TNRC6C: variants seen among roughly 807,000 people sequenced by gnomAD.
TNRC6C encodes trinucleotide repeat containing adaptor 6C.
In TNRC6C, 20 loss-of-function variants were observed where a neutral mutation model predicts 153.7. The observed-to-expected ratio is 0.13, with a 90% confidence interval of 0.09 to 0.19. The LOEUF is 0.19. Ranked by LOEUF, TNRC6C falls within the 10% of genes least tolerant of loss-of-function variation. The pLI is 1.00. For synonymous variants in TNRC6C, 811 were observed against 841.4 expected (o/e 0.96, Z 0.63); for missense variants, 1,987 against 2,172.0 (o/e 0.91, Z 1.69).
chr17:78,070,199 G>A (rs2072965277), intron 5 of TNRC6C, among the ~76,000 whole-genome samples: 1 of 152,088 alleles, frequency 6.6e-6, no homozygotes, highest in African/African-American at 2.4e-5. Context: ...AGTTAATGAT[G>A]GGACCAAAAA....
rs548444660 is a variant in TNRC6C at position 78,039,316 on chromosome 17, C to T, written c.-219+7474C>T. ...ACAGCAATTTCAAATCTTGCCCCCCCCCCCCACTCCCTACCTCTTACCAGG... is the reference window on the plus strand; with the variant it reads ...ACAGCAATTTCAAATCTTGCCCCCCTCCCCCACTCCCTACCTCTTACCAGG... On this transcript the variant is annotated intron_variant, in intron 2 of 19. Coordinates refer to ENST00000301624, the Ensembl canonical transcript of TNRC6C. Among the ~76,000 whole-genome samples the T allele has an allele frequency of 2.7e-3, 405 of 147,980 alleles. 10 individuals are homozygous for T. Among genetic ancestry groups the T allele is most frequent in the Non-Finnish European group, 1.1e-3 (74 of 67,352 alleles).
At chr17:78,060,901 G>GCT (rs1215982980) in intron 3 of TNRC6C, among the ~76,000 whole-genome samples, 1 of 152,148 alleles carries the variant, frequency 6.6e-6, no homozygotes, top group African/African-American at 2.4e-5. Context: ...GATGTGATGT[G>GCT]CTTAACAATG....
At chr17:78,038,548 G>A (rs1027319859) in intron 2 of TNRC6C, among the ~76,000 whole-genome samples, 27 of 151,706 alleles carry the variant, frequency 1.8e-4, no homozygotes, top group South Asian at 4.2e-4. Context: ...GCGTGGTGGC[G>A]GGCGCCTGTA....
intron 3 of TNRC6C, 155 bp downstream of exon 5, chr17:78,051,603 A>G: frequency 1.2e-6 from 1 of 865,942 alleles, no homozygotes; most frequent in Non-Finnish European, 1.6e-6. Flanking sequence ...TTGTATCTAA[A>G]GATTATCCAG....
chr17:78,107,900 T>C (rs924917670), exon 20 of TNRC6C: 2 of 152,276 alleles, frequency 1.3e-5, no homozygotes, highest in Non-Finnish European at 2.9e-5. Flanking sequence ...AGACATTTTA[T>C]GCATCTATTT....
chr17:78,102,942 G>T (rs1352798863), intron 18 of TNRC6C: 2 of 239,818 alleles, frequency 8.3e-6, no homozygotes, highest in East Asian at 2.4e-4. Context: ...TTGGAGACCA[G>T]CCTGGGCAAC....
intron 1 of TNRC6C, among the ~76,000 whole-genome samples, chr17:77,997,669 T>A (rs181953969): frequency 6.6e-6 from 1 of 152,128 alleles, no homozygotes; most frequent in Non-Finnish European, 1.5e-5. Flanking sequence ...TTTTTTTTAT[T>A]TTTTTGAGAT....
At chr17:78,048,771 A>G (rs974589522) in intron 2 of TNRC6C, 74 bp from the exon 5 acceptor site, 2 of 1,214,984 alleles carry the variant, frequency 1.6e-6, no homozygotes, top group African/African-American at 3.1e-5. Flanking sequence ...AGCTTCCCCA[A>G]AGACTAGTTA....
At chr17:77,962,787 G>A (rs938047872) in intron 1 of TNRC6C, among the ~76,000 whole-genome samples, 134 of 152,324 alleles carry the variant, frequency 8.8e-4, no homozygotes, top group African/African-American at 3.1e-3. Context: ...AATATTTTAG[G>A]TGAGAAGTAA....
intron 1 of TNRC6C, among the ~76,000 whole-genome samples, chr17:77,973,494 G>T (rs960497582): frequency 1.3e-5 from 2 of 152,186 alleles, no homozygotes; most frequent in African/African-American, 4.8e-5. Flanking sequence ...AGCCTATGTA[G>T]TCAGGTAAGG....
At chr17:78,006,820 A>T in intron 1 of TNRC6C, among the ~76,000 whole-genome samples, 1 of 145,930 alleles carries the variant, frequency 6.9e-6, no homozygotes, top group Non-Finnish European at 1.5e-5. Context: ...TTATTTATTT[A>T]TTTATTTATT....
At chr17:78,046,242 C>T (rs2072407788) in intron 2 of TNRC6C, among the ~76,000 whole-genome samples, 1 of 150,502 alleles carries the variant, frequency 6.6e-6, no homozygotes, top group Non-Finnish European at 1.5e-5. Flanking sequence ...AGTGCAGTGG[C>T]ACAGTCTCGG....
At chr17:78,087,128 G>C in intron 13 of TNRC6C, 35 bp downstream of exon 15, 1 of 1,604,776 alleles carries the variant, frequency 6.2e-7, no homozygotes, top group African/African-American at 1.3e-5. Flanking sequence ...GCCACATCAG[G>C]TAGAGAGGGT....
chr17:78,031,399 C>T (rs2072071073), intron 1 of TNRC6C, 117 bp from the exon 4 acceptor site: 2 of 753,150 alleles, frequency 2.7e-6, no homozygotes, highest in Non-Finnish European at 3.6e-6. Context: ...AGTTCTGTTT[C>T]CAAAGCACTA....
exon 3 of TNRC6C, chr17:78,050,746 G>T: frequency 6.3e-7 from 1 of 1,592,356 alleles, no homozygotes; most frequent in South Asian, 1.2e-5. Flanking sequence ...GAGTGGGGCC[G>T]CAAATCAGGA....
At chr17:78,083,309 G>A in intron 11 of TNRC6C, 143 bp downstream of exon 13, 1 of 1,146,442 alleles carries the variant, frequency 8.7e-7, no homozygotes, top group African/African-American at 1.5e-5. Flanking sequence ...AACTCTTCAT[G>A]AGTTAGGGAG....
chr17:78,004,619 T>G (rs1046981576), upstream of TNRC6C, among the ~76,000 whole-genome samples: 2 of 151,188 alleles, frequency 1.3e-5, no homozygotes, highest in Non-Finnish European at 3.0e-5. Context: ...CTAGAAATAT[T>G]TTTTTTTTGC....
intron 1 of TNRC6C, among the ~76,000 whole-genome samples, chr17:77,994,087 G>A (rs2071292628): frequency 6.6e-6 from 1 of 152,090 alleles, no homozygotes; most frequent in Admixed American, 6.5e-5. Flanking sequence ...CAGCTACTCA[G>A]GAAGCTGAGG....
chr17:78,075,331 C>G lies in TNRC6C; in HGVS notation c.3060+53C>G. 1 of 1,538,042 alleles carries G rather than the reference C, an allele frequency of 6.5e-7. No individual in the cohort carries two copies. Among genetic ancestry groups the G allele is most frequent in the South Asian group, 1.2e-5 (1 of 83,540 alleles). ...TGCTTTTTTAACAAGAGGAGTTTTT[C>G]ATTTCAACTGTGTCCTTAATACAAG... On this transcript the variant is annotated intron_variant, in intron 8 of 19. Coordinates refer to ENST00000301624, the Ensembl canonical transcript of TNRC6C. This position sits in a 1 kb window ranked among gnomAD's most constrained non-coding sequence, Gnocchi z 4.2.
Sources: gnomAD v4.1 joint callset for allele counts (sites outside exome capture counted in the v4.1 genomes callset) on GRCh38, gnomAD v4.1.1 for gene constraint, Gnocchi (gnomAD v3.1) non-coding constraint, MANE v1.5 for transcripts, NCBI Gene and HGNC (gene_info 2026-07-23, HGNC 2026-07-21) for gene names.